PAG1: variants seen among roughly 807,000 people sequenced by gnomAD.
PAG1 encodes the protein phosphoprotein associated with glycosphingolipid-enriched microdomains 1.
PAG1 carries 23 observed loss-of-function variants against 31.7 expected under a neutral mutation model. The ratio of observed to expected loss-of-function variants is 0.73; its 90% CI spans 0.52 to 1.03. The LOEUF (loss-of-function observed/expected upper bound fraction) is 1.03, where lower values mean the gene tolerates loss of function less well. Among genes scored for constraint, PAG1 ranks in the 50% least tolerant of loss-of-function variants. PAG1 has a pLI of 0.00. For missense variants in PAG1, 473 were observed against 540.7 expected (o/e 0.87, Z 1.24); for synonymous variants, 214 against 210.3 (o/e 1.02, Z -0.15).
chr8:81,082,172 G>A (rs1809277878), intron 1 of PAG1, among the ~76,000 whole-genome samples: 1 of 144,378 alleles, frequency 6.9e-6, no homozygotes, highest in Admixed American at 7.2e-5. Context: ...AGAATTACTT[G>A]AACCTAGCAG....
chr8:80,987,765 A>G (rs927860620), intron 5 of PAG1, among the ~76,000 whole-genome samples: 1 of 152,204 alleles, frequency 6.6e-6, no homozygotes, highest in Non-Finnish European at 1.5e-5. Flanking sequence ...ACCACTGACA[A>G]TAAAACAATA....
intron 3 of PAG1, among the ~76,000 whole-genome samples, chr8:81,008,157 A>G (rs555448623): frequency 1.5e-4 from 23 of 152,348 alleles, no homozygotes; most frequent in African/African-American, 4.6e-4. Context: ...CGTGATTTCT[A>G]GACACAAATT....
intron 3 of PAG1, among the ~76,000 whole-genome samples, chr8:81,018,598 G>A (rs1808110858): frequency 2.0e-5 from 3 of 152,200 alleles, no homozygotes; most frequent in African/African-American, 7.2e-5. Context: ...TGGGTCTCAT[G>A]AGATCTGATG....
chr8:81,086,427 A>G (rs1809357961), intron 1 of PAG1, among the ~76,000 whole-genome samples: 1 of 152,202 alleles, frequency 6.6e-6, no homozygotes, highest in Non-Finnish European at 1.5e-5. Context: ...ACAGGAATAC[A>G]TTAAAGCAGT....
chr8:80,999,129 G>C (rs1807740017), intron 3 of PAG1, among the ~76,000 whole-genome samples: 1 of 152,184 alleles, frequency 6.6e-6, no homozygotes, highest in Non-Finnish European at 1.5e-5. Context: ...TTAAGCTAAA[G>C]TGTGCAAATT....
intron 3 of PAG1, among the ~76,000 whole-genome samples, chr8:80,998,479 C>T (rs1028697393): frequency 3.3e-5 from 5 of 152,028 alleles, no homozygotes; most frequent in African/African-American, 1.2e-4. Flanking sequence ...GTTCTCAGCC[C>T]TATGCAGCAC....
chr8:81,085,290 G>C (rs1586210589), intron 1 of PAG1, among the ~76,000 whole-genome samples: 1 of 152,142 alleles, frequency 6.6e-6, no homozygotes, highest in Non-Finnish European at 1.5e-5. Context: ...GTAAAATAAG[G>C]ATTAACAAGC....
chr8:81,063,323 T>A (rs1016025780), intron 2 of PAG1, among the ~76,000 whole-genome samples: 9 of 152,102 alleles, frequency 5.9e-5, no homozygotes, highest in African/African-American at 2.2e-4. Flanking sequence ...TCTTTTTTCA[T>A]GACATGAAAA....
rs776197141 is a variant in PAG1 at position 80,987,425 on chromosome 8, C to T, written c.219G>A (p.Leu73=). The change falls in exon 6 of 9, where the codon CTG becomes CTA. Residue 73 remains leucine (L), a synonymous_variant. Transcript: ENST00000220597. ...KEMFSRSVTS[L]ATDAPASSEQ... ...CACTGCTGGCAGGAGCATCTGTTGC[C>T]AGGCTAGTAACTGAACGGCTGAACA... The T allele has an allele frequency of 5.0e-6, 8 of 1,614,008 alleles. No homozygotes were observed. Among genetic ancestry groups the T allele is most frequent in the Non-Finnish European group, 1.7e-6 (2 of 1,179,912 alleles).
chr8:80,991,349 C>G, intron 5 of PAG1, 130 bp downstream of exon 5: 1 of 719,542 alleles, frequency 1.4e-6, no homozygotes, highest in East Asian at 2.6e-5. Flanking sequence ...CAGAAGCCAC[C>G]GTTTAACTTA....
chr8:81,050,169 C>T (rs1808704650), intron 2 of PAG1, among the ~76,000 whole-genome samples: 2 of 152,180 alleles, frequency 1.3e-5, no homozygotes, highest in Non-Finnish European at 2.9e-5. Context: ...CGTTTCATTG[C>T]TATTCCTCGA....
intron 2 of PAG1, among the ~76,000 whole-genome samples, chr8:81,037,758 C>CT (rs1808484695): frequency 6.6e-6 from 1 of 152,226 alleles, no homozygotes; most frequent in African/African-American, 2.4e-5. Flanking sequence ...GCCAGCACAA[C>CT]TACAGAGGAT....
At chr8:81,093,466 C>T (rs1563428110) in intron 1 of PAG1, among the ~76,000 whole-genome samples, 1 of 152,150 alleles carries the variant, frequency 6.6e-6, no homozygotes, top group East Asian at 1.9e-4. Context: ...TAAAGCCTCT[C>T]CCTCATGCAA....
intron 3 of PAG1, among the ~76,000 whole-genome samples, chr8:81,012,528 T>C (rs1808002710): frequency 6.6e-6 from 1 of 152,220 alleles, no homozygotes; most frequent in African/African-American, 2.4e-5. Flanking sequence ...TATTAACTCC[T>C]TTTGCTGCTT....
At chr8:80,982,176 C>A (rs914285923) in intron 7 of PAG1, among the ~76,000 whole-genome samples, 5 of 152,152 alleles carry the variant, frequency 3.3e-5, no homozygotes, top group Admixed American at 2.6e-4. Context: ...TGTCTCACTT[C>A]TTTATAGCAA....
chr8:80,985,117 A>C lies in PAG1; in HGVS notation c.535T>G (p.Cys179Gly). Residue 179 changes from cysteine (C) to glycine (G), a missense_variant, in exon 7 of 9, where the codon TGC becomes GGC. Physicochemically the swap from Cys to Gly is radical, Grantham distance 159. Coordinates refer to ENST00000220597, the MANE Select transcript of PAG1 (RefSeq NM_018440.4). ...SSSQENMVED[C>G]LYETVKEIKE... Reference sequence around the variant, plus strand: ...ATCTCTTTCACAGTTTCATACAAGCAGTCCTCCACCATGTTTTCTTGGGAG... The same window carrying C: ...ATCTCTTTCACAGTTTCATACAAGCCGTCCTCCACCATGTTTTCTTGGGAG... 1 of 1,614,102 alleles carries C rather than the reference A, an allele frequency of 6.2e-7. No individual in the cohort carries two copies. Among genetic ancestry groups the C allele is most frequent in the Non-Finnish European group, 8.5e-7 (1 of 1,180,010 alleles).
chr8:81,110,988 C>T (rs892998598), intron 1 of PAG1, among the ~76,000 whole-genome samples: 2 of 152,224 alleles, frequency 1.3e-5, no homozygotes, highest in Non-Finnish European at 2.9e-5. Context: ...TTATCTGAAT[C>T]CTATTTCTTG....
rs1807902178 is a variant in PAG1 at position 81,007,438 on chromosome 8, AC to A, written c.-80-14132del. Among the ~76,000 whole-genome samples the A allele has an allele frequency of 2.1e-5, 3 of 145,810 alleles. No individual in the cohort carries two copies. In the South Asian group the frequency reaches 6.6e-4, roughly 32 times the overall value. On this transcript the variant is annotated intron_variant, in intron 3 of 8. Coordinates refer to ENST00000220597, the MANE Select transcript of PAG1 (RefSeq NM_018440.4). ...AGACCAGCCTGGCCAACACGGTGAA[AC>A]CCCGTCTCTACTAAAAATACAAAAA... is the stretch of plus-strand genomic sequence containing the variant.
chr8:81,042,284 G>A (rs770079989), intron 2 of PAG1, among the ~76,000 whole-genome samples: 2 of 152,060 alleles, frequency 1.3e-5, no homozygotes, highest in Non-Finnish European at 2.9e-5. Context: ...ATAAAGACAT[G>A]GAAGCATTAC....
Sources: gnomAD v4.1 joint callset for allele counts (sites outside exome capture counted in the v4.1 genomes callset) on GRCh38, gnomAD v4.1.1 for gene constraint, MANE v1.5 for transcripts, NCBI Gene and HGNC (gene_info 2026-07-23, HGNC 2026-07-21) for gene names.